The following SPTB variants were observed in gnomAD, a reference collection of about 807,000 sequenced individuals.
SPTB encodes the protein spectrin beta chain, erythrocytic.
In SPTB, 45 loss-of-function variants were observed where a neutral mutation model predicts 256.2. The ratio of observed to expected loss-of-function variants is 0.18; its 90% CI spans 0.14 to 0.23. SPTB has a LOEUF of 0.23. Ranked by LOEUF, SPTB falls within the 10% of genes least tolerant of loss-of-function variation. The pLI is 1.00. For synonymous variants in SPTB, 1,231 were observed against 1,243.1 expected (o/e 0.99, Z 0.21); for missense variants, 2,715 against 3,040.4 (o/e 0.89, Z 2.52).
At position 64,792,948 on chromosome 14, in the gene SPTB, G is replaced by T; in HGVS notation, c.2666+49C>A. Reference sequence around the variant, plus strand: ...ATTACCAAACTAGGTGGGAGATGGTGCCCAGGCCTGGGTACAGGGACGTGA... The same window carrying T: ...ATTACCAAACTAGGTGGGAGATGGTTCCCAGGCCTGGGTACAGGGACGTGA... On this transcript the variant is annotated intron_variant, in intron 14 of 35. Coordinates refer to ENST00000644917, the MANE Select transcript of SPTB (RefSeq NM_001355436.2). This position sits in a 1 kb window ranked among gnomAD's most constrained non-coding sequence, Gnocchi z 4.2. The T allele has an allele frequency of 1.9e-6, 3 of 1,612,574 alleles. No individual in the cohort carries two copies. The highest frequency in any genetic ancestry group is 2.5e-6 in the Non-Finnish European group (3 of 1,179,408).
rs1371313911 is a variant in SPTB at position 64,764,193 on chromosome 14, G to C, written c.6345+2533C>G. Among the ~76,000 whole-genome samples the C allele has an allele frequency of 6.6e-6, 1 of 152,228 alleles. No individual in the cohort carries two copies. The highest frequency in any genetic ancestry group is 2.4e-5 in the African/African-American group (1 of 41,456). On this transcript the variant is annotated intron_variant, in intron 32 of 35. Coordinates refer to ENST00000644917, the MANE Select transcript of SPTB (RefSeq NM_001355436.2). The surrounding 1 kb of genome is among the most constrained non-coding windows in gnomAD (Gnocchi z 4.2). Reference sequence around the variant, plus strand: ...GGAGAGGCCTGCGGTTCTGTGAAGGGGTAGTTCCAGGCAGGCTGGAAGGAC... The same window carrying C: ...GGAGAGGCCTGCGGTTCTGTGAAGGCGTAGTTCCAGGCAGGCTGGAAGGAC...
chr14:64,838,270 AT>A (rs1464611238), intron 1 of SPTB, among the ~76,000 whole-genome samples: 5 of 152,188 alleles, frequency 3.3e-5, no homozygotes, highest in African/African-American at 1.2e-4. Flanking sequence ...TTCAAAATGG[AT>A]TATTGATCTA....
In SPTB at chr14:64,777,749, G is replaced by A. The variant is rs2082386422; in HGVS notation, c.4563+1408C>T. ...AGTTTGACAACCATTGCAACAGAGG[G>A]TTTTAGGTGAGGAAATGATAAAATT... On this transcript the variant is annotated intron_variant, in intron 22 of 35. Coordinates refer to ENST00000644917, the MANE Select transcript of SPTB (RefSeq NM_001355436.2). The surrounding 1 kb of genome is among the most constrained non-coding windows in gnomAD (Gnocchi z 4.5). Among the ~76,000 whole-genome samples, 2 of 152,154 alleles carry A rather than the reference G, an allele frequency of 1.3e-5. No individual in the cohort carries two copies. Among genetic ancestry groups the A allele is most frequent in the South Asian group, 2.1e-4 (1 of 4,834 alleles).
chr14:64,830,929 T>C (rs1400532888), intron 1 of SPTB, among the ~76,000 whole-genome samples: 1 of 152,156 alleles, frequency 6.6e-6, no homozygotes. Flanking sequence ...TAGCTACCTC[T>C]CCCATCCCCT....
intron 1 of SPTB, among the ~76,000 whole-genome samples, chr14:64,828,507 T>C (rs1177795557): frequency 1.3e-5 from 2 of 152,232 alleles, no homozygotes; most frequent in African/African-American, 4.8e-5. Context: ...CTCATATACA[T>C]ATCAGGTTGG....
chr14:64,781,800 C>T (rs547827567), intron 20 of SPTB, among the ~76,000 whole-genome samples: 2 of 152,322 alleles, frequency 1.3e-5, no homozygotes, highest in South Asian at 4.1e-4. Flanking sequence ...ATACCAAAGA[C>T]ATGGACTCAA....
chr14:64,791,930 T>G lies in SPTB; in HGVS notation c.2667-74A>C, dbSNP rs74449140. On this transcript the variant is annotated intron_variant, in intron 14 of 35. Transcript: ENST00000644917. Reference sequence around the variant, plus strand: ...ATTTCCTTGCCAGTGGCACCCCCAGTCTCCAGAACATGTAGCTCTTGCTTT... The same window carrying G: ...ATTTCCTTGCCAGTGGCACCCCCAGGCTCCAGAACATGTAGCTCTTGCTTT... The G allele has an allele frequency of 2.0e-3, 3,169 of 1,591,632 alleles. 24 individuals carry two copies. Among genetic ancestry groups the G allele is most frequent in the East Asian group, 0.018 (781 of 44,542 alleles).
intron 1 of SPTB, among the ~76,000 whole-genome samples, chr14:64,863,024 C>A (rs1336227175): frequency 6.6e-6 from 1 of 152,172 alleles, no homozygotes; most frequent in Non-Finnish European, 1.5e-5. Flanking sequence ...TTCTCAGAAG[C>A]TCTTGAATTC....
intron 20 of SPTB, 75 bp downstream of exon 20, chr14:64,782,215 A>G: frequency 6.2e-7 from 1 of 1,605,906 alleles, no homozygotes; most frequent in Non-Finnish European, 8.5e-7. Context: ...ACCTAAAATT[A>G]AAAATAAAGG....
rs950142836 is a variant in SPTB at position 64,796,663 on chromosome 14, T to A, written c.1235A>T (p.Asn412Ile). 6.2e-7 allele frequency: 1 copy of A among 1,614,096 alleles called. No individual in the cohort carries two copies. Among genetic ancestry groups the A allele is most frequent in the African/African-American group, 1.3e-5 (1 of 74,930 alleles). Residue 412 changes from asparagine (N) to isoleucine (I), a missense_variant, in exon 11 of 36, where the codon AAT becomes ATT. Asn to Ile is a moderately radical substitution (Grantham distance 149). Coordinates refer to ENST00000644917, the MANE Select transcript of SPTB (RefSeq NM_001355436.2). The surrounding 1 kb of genome is among the most constrained non-coding windows in gnomAD (Gnocchi z 4.1). ...TAGCTTCTCCTGCCGAATGAGCTCA[T>A]TTCTCAGGGCCAGCTCCCGCCGATA... ...AEYRRELALR[N>I]ELIRQEKLEQ...
intron 2 of SPTB, among the ~76,000 whole-genome samples, chr14:64,809,769 A>C (rs1410423833): frequency 1.3e-5 from 2 of 152,196 alleles, no homozygotes; most frequent in African/African-American, 4.8e-5. Flanking sequence ...AATGTTAATA[A>C]AGACACAAAA....
In SPTB at chr14:64,792,865, C is replaced by T; in HGVS notation, c.2666+132G>A. 1 of 1,295,496 alleles carries T rather than the reference C, an allele frequency of 7.7e-7. No homozygotes were observed. Among genetic ancestry groups the T allele is most frequent in the South Asian group, 1.3e-5 (1 of 76,528 alleles). The allele number at this position is 1,295,496 out of a possible 1,614,324, so 80.3% of individuals were successfully genotyped here. A position where few individuals can be genotyped will look rare whatever the true frequency, so the allele number is the denominator to read the frequency against. ...GAACTTATGACTCCTAATGCCAGGA[C>T]TTTGCAACAAAGGACATCCCAGGGC... is the stretch of plus-strand genomic sequence containing the variant. On this transcript the variant is annotated intron_variant, in intron 14 of 35. Transcript: ENST00000644917. The surrounding 1 kb of genome is among the most constrained non-coding windows in gnomAD (Gnocchi z 4.2).
intron 1 of SPTB, among the ~76,000 whole-genome samples, chr14:64,868,738 G>C (rs538880993): frequency 1.3e-5 from 2 of 152,282 alleles, no homozygotes; most frequent in South Asian, 4.2e-4. Context: ...TGGAAACCTC[G>C]GGTATGGAAG....
chr14:64,871,999 T>C (rs1019939552), intron 1 of SPTB, among the ~76,000 whole-genome samples: 31 of 152,212 alleles, frequency 2.0e-4, no homozygotes, highest in African/African-American at 7.0e-4. Context: ...GATCTAAAAG[T>C]AACAGTACAA....
At position 64,793,991 on chromosome 14, in the gene SPTB, G is replaced by A; in HGVS notation, c.1796-124C>T. The A allele has an allele frequency of 2.2e-6, 2 of 904,014 alleles. No homozygotes were observed. Among genetic ancestry groups the A allele is most frequent in the Non-Finnish European group, 3.3e-6 (2 of 611,984 alleles). The allele number at this position is 904,014 out of a possible 1,614,324, so 56.0% of individuals were successfully genotyped here. A position where few individuals can be genotyped will look rare whatever the true frequency, so the allele number is the denominator to read the frequency against. On this transcript the variant is annotated intron_variant, in intron 13 of 35. Coordinates refer to ENST00000644917, the MANE Select transcript of SPTB (RefSeq NM_001355436.2). This position sits in a 1 kb window ranked among gnomAD's most constrained non-coding sequence, Gnocchi z 7.0. ...GCTGCCATGTCACTGGGGCTTTGGG[G>A]TTGGATGCAGGGGGGTCCCAGTTGC...
At position 64,786,041 on chromosome 14, in the gene SPTB, A is replaced by G; in HGVS notation, c.3562-90T>C. On this transcript the variant is annotated intron_variant, in intron 16 of 35. Coordinates refer to ENST00000644917, the MANE Select transcript of SPTB (RefSeq NM_001355436.2). This position sits in a 1 kb window ranked among gnomAD's most constrained non-coding sequence, Gnocchi z 5.6. ...AAGTGGGAGCACCACGTGCAGCCAC[A>G]CAGGCCACGGTATGAATGAGCCCCC... 2 of 1,339,692 alleles carry G rather than the reference A, an allele frequency of 1.5e-6. No individual in the cohort carries two copies. The highest frequency in any genetic ancestry group is 2.1e-6 in the Non-Finnish European group (2 of 942,118). 83.0% of individuals were successfully genotyped at this position (1,339,692 alleles called of 1,614,324 possible).
At chr14:64,810,550 C>T (rs1056949434) in intron 2 of SPTB, among the ~76,000 whole-genome samples, 5 of 152,040 alleles carry the variant, frequency 3.3e-5, no homozygotes, top group Non-Finnish European at 5.9e-5. Flanking sequence ...CATGGTGTTG[C>T]GCGCCTGTAA....
chr14:64,848,683 T>A (rs1017624593), intron 1 of SPTB, among the ~76,000 whole-genome samples: 3 of 152,218 alleles, frequency 2.0e-5, no homozygotes, highest in Admixed American at 2.0e-4. Context: ...GTCCAATAGC[T>A]TTTACCTTAT....
intron 2 of SPTB, 54 bp downstream of exon 2, chr14:64,822,893 G>A: frequency 1.9e-6 from 3 of 1,609,584 alleles, no homozygotes; most frequent in Non-Finnish European, 2.5e-6. Flanking sequence ...GGGGAGGGCT[G>A]TGAACCTTGT....
Sources: allele counts gnomAD v4.1 joint callset (sites outside exome capture counted in the v4.1 genomes callset), GRCh38; gene constraint gnomAD v4.1.1; non-coding constraint Gnocchi (gnomAD v3.1); transcripts MANE v1.5; gene names NCBI Gene and HGNC (gene_info 2026-07-23, HGNC 2026-07-21).